KCNG3: variants seen among roughly 807,000 people sequenced by gnomAD.
KCNG3 encodes voltage-gated potassium channel regulatory subunit KCNG3.
Under a neutral mutation model 29.0 loss-of-function variants are expected in KCNG3, and 15 were observed. The observed-to-expected ratio is 0.52, with a 90% CI of 0.35 to 0.80. The LOEUF is 0.80. Ranked by LOEUF, KCNG3 falls within the 30% of genes least tolerant of loss-of-function variation. The pLI, the probability that KCNG3 is intolerant of heterozygous loss-of-function variation, is 0.01. For missense variants in KCNG3, 512 were observed against 605.7 expected, an observed-to-expected ratio of 0.85 and a Z score of 1.62; for synonymous variants, 322 against 248.9, an observed-to-expected ratio of 1.29 and a Z score of -2.76.
chr2:42,424,499 C>T, the KCNG3 span, among the ~76,000 whole-genome samples: 2 of 150,900 alleles, frequency 1.3e-5, no homozygotes, highest in Non-Finnish European at 2.9e-5. Context: ...TTCAACCATG[C>T]ACACTGGCTC....
chr2:42,410,397 G>A, the KCNG3 span, among the ~76,000 whole-genome samples: 4 of 151,850 alleles, frequency 2.6e-5, no homozygotes, highest in African/African-American at 7.3e-5. Flanking sequence ...ATTCTAGAGA[G>A]GTTGAAACAA....
At chr2:42,449,222 C>T (rs955293632) in intron 1 of KCNG3, among the ~76,000 whole-genome samples, 22 of 151,958 alleles carry the variant, frequency 1.4e-4, no homozygotes, top group African/African-American at 4.6e-4. Context: ...AGCACTTGCT[C>T]CTCCAACATA....
At chr2:42,486,589 GGGC>G (rs1438241456) in intron 1 of KCNG3, among the ~76,000 whole-genome samples, 2 of 152,162 alleles carry the variant, frequency 1.3e-5, no homozygotes, top group African/African-American at 4.8e-5. Context: ...TAGCCCACAT[GGGC>G]CTTCCTTCTG....
At chr2:42,407,747 G>A in the KCNG3 span, among the ~76,000 whole-genome samples, 64 of 152,094 alleles carry the variant, frequency 4.2e-4, no homozygotes, top group East Asian at 9.7e-4. Flanking sequence ...CTTCAGACCC[G>A]GGCCTCCCTG....
chr2:42,482,101 G>A (rs1373865172), intron 1 of KCNG3, among the ~76,000 whole-genome samples: 2 of 152,170 alleles, frequency 1.3e-5, no homozygotes, highest in Non-Finnish European at 2.9e-5. Context: ...TGGGACTACA[G>A]TGTTATGTAT....
chr2:42,468,244 A>T lies in KCNG3; in HGVS notation c.666-23665T>A, dbSNP rs148662328. ...GCAAAGACTGTCTTTATTTCCAGAC[A>T]GTATCACTGTCTACATTACAACAAA... On this transcript the variant is annotated intron_variant, in intron 1 of 1. Transcript: ENST00000306078. 2.5e-3 allele frequency among the ~76,000 whole-genome samples: 383 copies of T among 152,346 alleles called. 1 individual carries two copies. Among genetic ancestry groups the T allele is most frequent in the Non-Finnish European group, 4.6e-3 (314 of 68,034 alleles).
At chr2:42,469,919 G>C in intron 1 of KCNG3, 1 of 308,066 alleles carries the variant, frequency 3.2e-6, no homozygotes, top group Non-Finnish European at 6.0e-6. Flanking sequence ...TGAAATGAAG[G>C]AGATTTACAA....
chr2:42,493,534 G>A lies in KCNG3; in HGVS notation c.-33C>T. On this transcript the variant is annotated 5_prime_UTR_variant, in exon 1 of 2. Transcript: ENST00000306078. ...CGCCCGGGGGACTTTCGGCCCGAGG[G>A]CCCCGCTGCAGCCCCCCACCCCAAG... The A allele has an allele frequency of 7.5e-7, 1 of 1,336,556 alleles. No homozygotes were observed. The highest frequency in any genetic ancestry group is 9.5e-7 in the Non-Finnish European group (1 of 1,050,984). The allele number at this position is 1,336,556 out of a possible 1,614,324, so 82.8% of individuals were successfully genotyped here.
chr2:42,463,252 C>A, intron 1 of KCNG3: 1 of 314,120 alleles, frequency 3.2e-6, no homozygotes, highest in Non-Finnish European at 6.0e-6. Context: ...TGAGTGTACC[C>A]TAAACCTATC....
intron 1 of KCNG3, among the ~76,000 whole-genome samples, chr2:42,469,130 G>A (rs1358008402): frequency 6.6e-6 from 1 of 150,922 alleles, no homozygotes; most frequent in Non-Finnish European, 1.5e-5. Context: ...GAATTAATAG[G>A]ATGGCAGGCC....
chr2:42,489,086 G>T (rs1179941951), intron 1 of KCNG3, among the ~76,000 whole-genome samples: 2 of 151,204 alleles, frequency 1.3e-5, no homozygotes, highest in East Asian at 4.1e-4. Context: ...CTTGAAGCCA[G>T]GAGTTCACAA....
In KCNG3 at chr2:42,444,237, G is replaced by C; in HGVS notation, c.1008C>G (p.Ile336Met). 6.2e-7 allele frequency: 1 copy of C among 1,614,158 alleles called. No homozygotes were observed. The highest frequency in any genetic ancestry group is 8.5e-7 in the Non-Finnish European group (1 of 1,180,040). ...LLVFICVAMA[I>M]FSALSQLLEH... ...CAAGAAGCTGAGAAAGTGCACTAAA[G>C]ATTGCCATGGCAACACAAATGAAGA... Residue 336 changes from isoleucine (I) to methionine (M), a missense_variant, in exon 2 of 2, where the codon ATC (isoleucine) becomes ATG (methionine). Physicochemically the swap from Ile to Met is conservative, Grantham distance 10. Coordinates refer to ENST00000306078, the MANE Select transcript of KCNG3 (RefSeq NM_133329.6). This position sits in a 1 kb window ranked among gnomAD's most constrained non-coding sequence, Gnocchi z 5.8.
the KCNG3 span, among the ~76,000 whole-genome samples, chr2:42,418,147 A>G: frequency 2.6e-5 from 4 of 152,032 alleles, no homozygotes; most frequent in Non-Finnish European, 4.4e-5. Context: ...ATTATTCCAA[A>G]CAGAAACTCT....
intron 1 of KCNG3, among the ~76,000 whole-genome samples, chr2:42,475,453 C>A (rs564743583): frequency 6.6e-6 from 1 of 151,414 alleles, no homozygotes; most frequent in Non-Finnish European, 1.5e-5. Context: ...CTCAGCCTCC[C>A]GGATAGCTGG....
At chr2:42,455,080 A>C (rs1672846819) in intron 1 of KCNG3, among the ~76,000 whole-genome samples, 1 of 152,244 alleles carries the variant, frequency 6.6e-6, no homozygotes. Flanking sequence ...AAGAGCAAAC[A>C]TATGAGCAGT....
At chr2:42,478,142 C>T (rs7594734) in intron 1 of KCNG3, among the ~76,000 whole-genome samples, 1 of 152,040 alleles carries the variant, frequency 6.6e-6, no homozygotes, top group Non-Finnish European at 1.5e-5. Flanking sequence ...CAAACTTTTG[C>T]GGCTCAGGAC....
At chr2:42,458,013 T>A (rs1672922232) in intron 1 of KCNG3, among the ~76,000 whole-genome samples, 1 of 152,130 alleles carries the variant, frequency 6.6e-6, no homozygotes, top group Non-Finnish European at 1.5e-5. Context: ...ACTGACTAAG[T>A]CATACCTTGA....
At chr2:42,446,173 C>T (rs1389412857) in intron 1 of KCNG3, among the ~76,000 whole-genome samples, 1 of 151,644 alleles carries the variant, frequency 6.6e-6, no homozygotes, top group African/African-American at 2.4e-5. Context: ...ATTTAATTAA[C>T]ATTTTTTATT....
chr2:42,492,225 C>T (rs1673897545), intron 1 of KCNG3, among the ~76,000 whole-genome samples: 2 of 152,108 alleles, frequency 1.3e-5, no homozygotes, highest in African/African-American at 4.8e-5. Flanking sequence ...TGCTACCAAA[C>T]GGTGGACAAG....
Sources: gnomAD v4.1 joint callset for allele counts (sites outside exome capture counted in the v4.1 genomes callset) on GRCh38, gnomAD v4.1.1 for gene constraint, Gnocchi (gnomAD v3.1) non-coding constraint, MANE v1.5 for transcripts, NCBI Gene and HGNC (gene_info 2026-07-23, HGNC 2026-07-21) for gene names.